Variants in POLR3E observed in about 807,000 individuals in gnomAD.
The protein encoded by POLR3E is DNA-directed RNA polymerase III subunit RPC5.
In POLR3E, 41 loss-of-function variants were observed where a neutral mutation model predicts 96.6. That is an observed-to-expected ratio of 0.42 (90% CI 0.33 to 0.55). POLR3E has a LOEUF of 0.55. Ranked by LOEUF, POLR3E falls within the 20% of genes least tolerant of loss-of-function variation. The probability of loss-of-function intolerance (pLI) is 0.06; values close to 1 mark genes in which losing one functional copy is unlikely to be tolerated. For missense variants in POLR3E, 849 were observed against 952.1 expected, an observed-to-expected ratio of 0.89 and a Z score of 1.43; for synonymous variants, 396 against 383.6, an observed-to-expected ratio of 1.03 and a Z score of -0.38.
In POLR3E at chr16:22,308,176, A is replaced by G. The variant is rs1387428173; in HGVS notation, c.116A>G (p.Tyr39Cys). 17 of 1,613,692 alleles carry G rather than the reference A, an allele frequency of 1.1e-5. No individual in the cohort carries two copies. Among genetic ancestry groups the G allele is most frequent in the South Asian group, 2.2e-5 (2 of 91,076 alleles). The change falls in exon 4 of 21, where the codon TAC becomes TGC. Residue 39 changes from tyrosine to cysteine, a missense_variant. By Grantham distance (194) the Tyr-to-Cys change is radical. Coordinates refer to ENST00000299853, the MANE Select transcript of POLR3E (RefSeq NM_018119.4). ...CCTGTGCGTCCAGCCTCGATGACCT[A>G]CGATGACATTCCGCACCTCTCAGCC... ...QYPVRPASMT[Y>C]DDIPHLSAKI...
At chr16:22,328,368 C>T in intron 18 of POLR3E, 142 bp from the exon 19 acceptor site, 1 of 701,286 alleles carries the variant, frequency 1.4e-6, no homozygotes, top group Non-Finnish European at 2.6e-6. Flanking sequence ...TGCCCAAGGC[C>T]CTCAGAGATG....
chr16:22,319,008 C>G, intron 13 of POLR3E, 62 bp downstream of exon 13: 3 of 1,295,720 alleles, frequency 2.3e-6, no homozygotes, highest in Non-Finnish European at 3.2e-6. Context: ...GAGCTTCACT[C>G]TTGTTGCCCA....
At chr16:22,312,097 A>C (rs1249931917) in intron 6 of POLR3E, among the ~76,000 whole-genome samples, 21 of 152,148 alleles carry the variant, frequency 1.4e-4, no homozygotes, top group Non-Finnish European at 2.9e-4. Flanking sequence ...GCTACCAGGG[A>C]CTAGTGGGAG....
In POLR3E at chr16:22,325,986, G is replaced by C; in HGVS notation, c.1574G>C (p.Gly525Ala). 6.3e-7 allele frequency: 1 copy of C among 1,593,312 alleles called. No individual in the cohort carries two copies. The highest frequency in any genetic ancestry group is 8.6e-7 in the Non-Finnish European group (1 of 1,169,300). The change falls in exon 18 of 21, where the codon GGC becomes GCC. Residue 525 changes from glycine (G) to alanine (A), a missense_variant. Gly to Ala is a moderately conservative substitution (Grantham distance 60). Coordinates refer to ENST00000299853, the MANE Select transcript of POLR3E (RefSeq NM_018119.4). The stretch of plus-strand genomic sequence containing the variant: ...GAGCCCATGGACACTTCCCCCAGCG[G>C]CCTCCACAGCAAGCTGGCCAACGGG... ...EEEPMDTSPS[G>A]LHSKLANGLP...
chr16:22,315,825 A>AT (rs913708827), intron 9 of POLR3E, among the ~76,000 whole-genome samples: 4 of 151,698 alleles, frequency 2.6e-5, no homozygotes, highest in African/African-American at 4.8e-5. Context: ...GCACCTGCTA[A>AT]TTTTTTTGTT....
chr16:22,305,532 C>G, intron 3 of POLR3E: 1 of 554,652 alleles, frequency 1.8e-6, no homozygotes. Flanking sequence ...ACTTTCCTCA[C>G]TTGCAAAGTG....
At position 22,325,238 on chromosome 16, in the gene POLR3E, C is replaced by A. The variant is rs1420343508; in HGVS notation, c.1320C>A (p.Thr440=). 1 of 1,613,854 alleles carries A rather than the reference C, an allele frequency of 6.2e-7. No homozygotes were observed. The highest frequency in any genetic ancestry group is 1.7e-5 in the Admixed American group (1 of 60,016). ...LEKVYNLVKE[T]MPKKPDAQSG... ...AAGTCTATAATCTTGTAAAGGAAAC[C>A]ATGCCAAAGAAGCCGGATGCACAAT... The change falls in exon 17 of 21, where the codon ACC becomes ACA. Residue 440 remains threonine, a synonymous_variant. Transcript: ENST00000299853.
chr16:22,298,140 G>C (rs1461456899), intron 1 of POLR3E, among the ~76,000 whole-genome samples: 2 of 152,244 alleles, frequency 1.3e-5, no homozygotes, highest in African/African-American at 4.8e-5. Flanking sequence ...TTCGGTCCGA[G>C]GAGGTGTCAG....
chr16:22,309,347 TA>T, intron 5 of POLR3E, 80 bp from the exon 6 acceptor site: 2 of 1,071,180 alleles, frequency 1.9e-6, no homozygotes, highest in Non-Finnish European at 2.9e-6. Flanking sequence ...AGAAAGTGTC[TA>T]GGGGGTGGGG....
chr16:22,312,494 A>G (rs1341734473), intron 6 of POLR3E, among the ~76,000 whole-genome samples: 1 of 152,154 alleles, frequency 6.6e-6, no homozygotes, highest in African/African-American at 2.4e-5. Context: ...ACTCCATCTC[A>G]AAACAAAAAT....
chr16:22,300,678 T>C (rs1042389414), intron 1 of POLR3E, among the ~76,000 whole-genome samples: 1 of 152,224 alleles, frequency 6.6e-6, no homozygotes, highest in Non-Finnish European at 1.5e-5. Context: ...ACAGTCGAGA[T>C]GCACTGAAAC....
Position 22,317,017 on chromosome 16 carries a change from C to A in POLR3E, c.751C>A (p.Pro251Thr), listed in dbSNP as rs757331773. 2 of 1,614,140 alleles carry A rather than the reference C, an allele frequency of 1.2e-6. No homozygotes were observed. Among genetic ancestry groups the A allele is most frequent in the Non-Finnish European group, 1.7e-6 (2 of 1,179,976 alleles). Residue 251 changes from proline (P) to threonine (T), a missense_variant, in exon 11 of 21, where the codon CCA becomes ACA. Transcript: ENST00000299853. Reference sequence around the variant, plus strand: ...CAGTGAGTACCTGATGATGCTGATGCCACCCAGCCAGGAGGAGGAGAAGTG... The same window carrying A: ...CAGTGAGTACCTGATGATGCTGATGACACCCAGCCAGGAGGAGGAGAAGTG... Reference protein sequence around the residue: ...SPSEYLMMLMPPSQEEEKDKP... With the variant: ...SPSEYLMMLMTPSQEEEKDKP...
Position 22,332,190 on chromosome 16 carries a change from A to T in POLR3E, c.2070+5A>T. 6.2e-7 allele frequency: 1 copy of T among 1,612,054 alleles called. No homozygotes were observed. Among genetic ancestry groups the T allele is most frequent in the South Asian group, 1.1e-5 (1 of 90,830 alleles). On this transcript the variant is annotated splice_donor_5th_base_variant and intron_variant, in intron 20 of 20. Transcript: ENST00000299853. ...GAGGTGGATAAAGTACTAAAGGTAC[A>T]TCCATTTTGTGCATAACAAACAATA...
intron 3 of POLR3E, 123 bp downstream of exon 3, chr16:22,305,329 T>C: frequency 1.3e-6 from 1 of 786,818 alleles, no homozygotes; most frequent in Non-Finnish European, 2.3e-6. Flanking sequence ...GAGAGTGTCA[T>C]GGGGTCTCTT....
chr16:22,322,873 C>T lies in POLR3E; in HGVS notation c.1010C>T (p.Ser337Leu), dbSNP rs772064779. Reference protein sequence around the residue: ...VKSDILYPKDSSSPHSGVPAE... With the variant: ...VKSDILYPKDLSSPHSGVPAE... ...AGTGACATCCTATACCCCAAGGACT[C>T]GTCCAGCCCTCACAGCGGCGTGCCT... is the stretch of plus-strand genomic sequence containing the variant. Residue 337 changes from serine to leucine, a missense_variant, in exon 14 of 21, where the codon TCG (serine) becomes TTG (leucine). Coordinates refer to ENST00000299853, the MANE Select transcript of POLR3E (RefSeq NM_018119.4). This position sits in a 1 kb window ranked among gnomAD's most constrained non-coding sequence, Gnocchi z 5.2. 3.2e-5 allele frequency: 51 copies of T among 1,613,204 alleles called. No individual in the cohort carries two copies. The highest frequency in any genetic ancestry group is 4.0e-5 in the Non-Finnish European group (47 of 1,179,490).
intron 1 of POLR3E, among the ~76,000 whole-genome samples, chr16:22,299,892 C>T (rs185932558): frequency 5.4e-5 from 7 of 128,744 alleles, no homozygotes; most frequent in Admixed American, 2.1e-4. Context: ...AAAGAGAGAC[C>T]GGGGGGCGGG....
chr16:22,314,707 T>C (rs1249810218), intron 8 of POLR3E, among the ~76,000 whole-genome samples: 1 of 152,084 alleles, frequency 6.6e-6, no homozygotes, highest in Non-Finnish European at 1.5e-5. Context: ...GTAATGGACA[T>C]GGAGGTGGCG....
Position 22,313,269 on chromosome 16 carries a change from G to A in POLR3E, c.365-351G>A, listed in dbSNP as rs1739542957. ...GGCTGAGCTGGCCGAGGCCTGGAGG[G>A]TAAACAGCAGGGCGAATTTGATGAG... On this transcript the variant is annotated intron_variant, in intron 6 of 20. Transcript: ENST00000299853. The surrounding 1 kb of genome is among the most constrained non-coding windows in gnomAD (Gnocchi z 4.1). Among the ~76,000 whole-genome samples, 1 of 152,216 alleles carries A rather than the reference G, an allele frequency of 6.6e-6. No homozygotes were observed. The highest frequency in any genetic ancestry group is 1.5e-5 in the Non-Finnish European group (1 of 68,036).
At chr16:22,307,041 G>A (rs2048147781) in intron 3 of POLR3E, among the ~76,000 whole-genome samples, 1 of 152,234 alleles carries the variant, frequency 6.6e-6, no homozygotes, top group East Asian at 1.9e-4. Context: ...CAAAGTGATG[G>A]TGGAGGTGCC....
Sources: allele counts gnomAD v4.1 joint callset (sites outside exome capture counted in the v4.1 genomes callset), GRCh38; gene constraint gnomAD v4.1.1; non-coding constraint Gnocchi (gnomAD v3.1); transcripts MANE v1.5; gene names NCBI Gene and HGNC (gene_info 2026-07-23, HGNC 2026-07-21).